Variants in ANKS1B observed in about 807,000 individuals in gnomAD.
The protein encoded by ANKS1B is ankyrin repeat and sterile alpha motif domain-containing protein 1B.
In ANKS1B, 36 loss-of-function variants were observed where a neutral mutation model predicts 148.3. That is an observed-to-expected ratio of 0.24 (90% CI 0.19 to 0.32). The LOEUF is 0.32. ANKS1B is among the 10% of genes least tolerant of loss of function. ANKS1B has a pLI of 1.00. For missense variants in ANKS1B, 1,157 were observed against 1,542.6 expected (o/e 0.75, Z 4.19); for synonymous variants, 542 against 560.8 (o/e 0.97, Z 0.47).
Position 98,845,122 on chromosome 12 carries a change from G to A in ANKS1B, c.2779-12986C>T, listed in dbSNP as rs183737396. On this transcript the variant is annotated intron_variant, in intron 17 of 26. Coordinates refer to ENST00000683438, the MANE Select transcript of ANKS1B (RefSeq NM_001352186.2). ...TGCAAAAGTATGGGTCTAATGGGGAGGGAATGAACCCATTTAGAATAATTT... is the reference window on the plus strand; with the variant it reads ...TGCAAAAGTATGGGTCTAATGGGGAAGGAATGAACCCATTTAGAATAATTT... Among the ~76,000 whole-genome samples the A allele has an allele frequency of 1.1e-3, 160 of 152,274 alleles. 2 individuals carry two copies. The highest frequency in any genetic ancestry group is 3.6e-3 in the African/African-American group (150 of 41,564).
At chr12:99,703,365 TG>T (rs1205165840) in intron 8 of ANKS1B, among the ~76,000 whole-genome samples, 1 of 152,170 alleles carries the variant, frequency 6.6e-6, no homozygotes, top group Non-Finnish European at 1.5e-5. Context: ...ATGTATTCTG[TG>T]TGCTTCAAAT....
At chr12:99,458,508 C>T (rs1329722542) in intron 10 of ANKS1B, among the ~76,000 whole-genome samples, 1 of 149,462 alleles carries the variant, frequency 6.7e-6, no homozygotes, top group African/African-American at 2.5e-5. Context: ...ATTGATAGAC[C>T]ATTAGCGAGA....
chr12:99,353,140 C>A (rs1178019665), intron 12 of ANKS1B, among the ~76,000 whole-genome samples: 1 of 151,956 alleles, frequency 6.6e-6, no homozygotes, highest in Non-Finnish European at 1.5e-5. Context: ...GGATACCAGA[C>A]CAATCTCATT....
chr12:99,817,007 G>C (rs2069271791), intron 2 of ANKS1B, among the ~76,000 whole-genome samples: 1 of 151,434 alleles, frequency 6.6e-6, no homozygotes, highest in African/African-American at 2.4e-5. Context: ...TACCTCAAAG[G>C]TTTATCTTTT....
chr12:98,794,746 TA>T, intron 22 of ANKS1B: 1 of 1,083,310 alleles, frequency 9.2e-7, no homozygotes, highest in Non-Finnish European at 1.4e-6. Context: ...AGCTATGGAA[TA>T]AAACTACTGA....
intron 10 of ANKS1B, among the ~76,000 whole-genome samples, chr12:99,492,178 G>A (rs1406213648): frequency 6.6e-6 from 1 of 152,108 alleles, no homozygotes; most frequent in Non-Finnish European, 1.5e-5. Flanking sequence ...GAAGAAAAGA[G>A]AGAAGGTCTA....
chr12:99,438,544 T>A (rs12296578), intron 11 of ANKS1B, among the ~76,000 whole-genome samples: 2,520 of 152,000 alleles, frequency 0.017, 73 homozygotes, highest in African/African-American at 0.058. Flanking sequence ...AAAGTCCCAA[T>A]CAACAAGGCT....
intron 1 of ANKS1B, among the ~76,000 whole-genome samples, chr12:99,889,195 A>G (rs922439102): frequency 6.6e-6 from 1 of 152,144 alleles, no homozygotes; most frequent in Non-Finnish European, 1.5e-5. Flanking sequence ...ATCTTATATA[A>G]TATAGCTCTT....
chr12:99,819,531 A>G (rs2082263427), intron 2 of ANKS1B, among the ~76,000 whole-genome samples: 1 of 151,822 alleles, frequency 6.6e-6, no homozygotes, highest in African/African-American at 2.4e-5. Context: ...GCATGCATTA[A>G]ATACTTTAAA....
intron 11 of ANKS1B, among the ~76,000 whole-genome samples, chr12:99,423,376 A>G (rs1317192772): frequency 2.0e-5 from 3 of 152,168 alleles, no homozygotes; most frequent in African/African-American, 7.2e-5. Flanking sequence ...ACACTCATAC[A>G]CTGTTGGTGG....
At chr12:99,408,670 T>C (rs2094588400) in intron 11 of ANKS1B, among the ~76,000 whole-genome samples, 1 of 145,866 alleles carries the variant, frequency 6.9e-6, no homozygotes, top group African/African-American at 2.6e-5. Flanking sequence ...TCTAAGAATC[T>C]GATTTAAAAT....
At chr12:99,893,818 T>G (rs1324669168) in intron 1 of ANKS1B, among the ~76,000 whole-genome samples, 1 of 152,146 alleles carries the variant, frequency 6.6e-6, no homozygotes, top group East Asian at 1.9e-4. Context: ...AGGATATTAT[T>G]TTGTCCTTTT....
At chr12:99,028,750 A>T (rs2099950292) in intron 17 of ANKS1B, among the ~76,000 whole-genome samples, 1 of 152,206 alleles carries the variant, frequency 6.6e-6, no homozygotes, top group Non-Finnish European at 1.5e-5. Context: ...TTTTACCTAC[A>T]TTCTCTAATT....
At chr12:99,067,550 A>G (rs2153577956) in intron 16 of ANKS1B, among the ~76,000 whole-genome samples, 1 of 152,320 alleles carries the variant, frequency 6.6e-6, no homozygotes, top group East Asian at 1.9e-4. Context: ...CTAGAGCAAG[A>G]GAGGCAGAAA....
At chr12:99,424,640 CACACACAT>C (rs1435872994) in intron 11 of ANKS1B, among the ~76,000 whole-genome samples, 34 of 148,698 alleles carry the variant, frequency 2.3e-4, no homozygotes, top group African/African-American at 5.4e-4. Flanking sequence ...CACACACACA[CACACACAT>C]ACACACACAC....
At chr12:99,585,716 T>C (rs1461556796) in intron 9 of ANKS1B, among the ~76,000 whole-genome samples, 1 of 152,220 alleles carries the variant, frequency 6.6e-6, no homozygotes, top group African/African-American at 2.4e-5. Context: ...TCTTGTCTTG[T>C]GTACACTGAC....
At chr12:98,875,036 T>A (rs938934541) in intron 17 of ANKS1B, among the ~76,000 whole-genome samples, 2 of 152,160 alleles carry the variant, frequency 1.3e-5, no homozygotes, top group African/African-American at 4.8e-5. Flanking sequence ...TAACTTCCTA[T>A]AATGACAGCA....
intron 4 of ANKS1B, among the ~76,000 whole-genome samples, chr12:99,803,275 A>ACCT (rs1555620506): frequency 1.1e-5 from 1 of 89,848 alleles, no homozygotes; most frequent in Non-Finnish European, 2.2e-5. Flanking sequence ...TTAAATATTC[A>ACCT]CCCCCCCCCA....
chr12:98,796,149 T>C (rs2153573232), intron 22 of ANKS1B, among the ~76,000 whole-genome samples: 1 of 152,310 alleles, frequency 6.6e-6, no homozygotes, highest in East Asian at 1.9e-4. Flanking sequence ...GATTGTGAAC[T>C]CGGTGGATTT....
Sources: gnomAD v4.1 joint callset for allele counts (sites outside exome capture counted in the v4.1 genomes callset) on GRCh38, gnomAD v4.1.1 for gene constraint, MANE v1.5 for transcripts, NCBI Gene and HGNC (gene_info 2026-07-23, HGNC 2026-07-21) for gene names.